KIF16B: variants seen among roughly 807,000 people sequenced by gnomAD.
KIF16B encodes the protein kinesin-like protein KIF16B.
Under a neutral mutation model 156.3 loss-of-function variants are expected in KIF16B, and 98 were observed. That is an observed-to-expected ratio of 0.63 (90% CI 0.53 to 0.74). The LOEUF (loss-of-function observed/expected upper bound fraction) is 0.74. Ranked by LOEUF, KIF16B falls within the 30% of genes least tolerant of loss-of-function variation. KIF16B has a pLI of 0.00. For missense variants in KIF16B, 1,421 were observed against 1,606.5 expected (o/e 0.88, Z 1.97); for synonymous variants, 564 against 583.7 (o/e 0.97, Z 0.49).
chr20:16,273,409 T>C lies in KIF16B; in HGVS notation c.3798A>G (p.Lys1266=). 6.2e-7 allele frequency: 1 copy of C among 1,613,998 alleles called. No individual in the cohort carries two copies. The change falls in exon 26 of 26, where the codon AAA becomes AAG. Residue 1266 remains lysine (K), a splice_region_variant and synonymous_variant. Transcript: ENST00000354981. ...TCACGCTGAAAAAGTCCCTGAGGTA[T>C]TTCTGTGGAAGAGACAAGAGTTAAG... ...VIAERRSHLE[K]YLRDFFSVML... is the part of the protein sequence containing the mutation.
intron 25 of KIF16B, among the ~76,000 whole-genome samples, chr20:16,302,861 A>T (rs1423902775): frequency 6.6e-6 from 1 of 152,210 alleles, no homozygotes; most frequent in East Asian, 1.9e-4. Flanking sequence ...TGTATTCTAC[A>T]AGCTTGCTAC....
intron 24 of KIF16B, among the ~76,000 whole-genome samples, chr20:16,323,191 T>G (rs2063795844): frequency 6.6e-6 from 1 of 152,018 alleles, no homozygotes; most frequent in African/African-American, 2.4e-5. Flanking sequence ...CTGTGATATT[T>G]GGCTATCTAA....
intron 25 of KIF16B, among the ~76,000 whole-genome samples, chr20:16,297,840 C>G (rs1395808209): frequency 6.6e-6 from 1 of 152,016 alleles, no homozygotes; most frequent in Admixed American, 6.5e-5. Flanking sequence ...ACCAGTTTTT[C>G]TCATCCCAGC....
intron 1 of KIF16B, among the ~76,000 whole-genome samples, chr20:16,559,217 GCCCCA>G (rs1042333642): frequency 2.0e-5 from 3 of 151,786 alleles, no homozygotes; most frequent in Admixed American, 2.0e-4. Context: ...GAATCAAAAT[GCCCCA>G]CGTCTCATTT....
intron 1 of KIF16B, among the ~76,000 whole-genome samples, chr20:16,532,398 G>C (rs1485603985): frequency 6.6e-6 from 1 of 152,164 alleles, no homozygotes; most frequent in Non-Finnish European, 1.5e-5. Context: ...CAGATTCCCA[G>C]GGCCAAGTTT....
At chr20:16,412,944 C>G (rs6105594) in intron 15 of KIF16B, among the ~76,000 whole-genome samples, 1 of 151,442 alleles carries the variant, frequency 6.6e-6, no homozygotes, top group Non-Finnish European at 1.5e-5. Context: ...TTGATGAAAC[C>G]TGAAGAGTGT....
intron 22 of KIF16B, among the ~76,000 whole-genome samples, chr20:16,369,946 G>A (rs2064775684): frequency 6.6e-6 from 1 of 152,342 alleles, no homozygotes; most frequent in South Asian, 2.1e-4. Context: ...ATGACTGGCA[G>A]GAGGGTGTGG....
chr20:16,408,110 C>T (rs1045268752), intron 15 of KIF16B, among the ~76,000 whole-genome samples: 3 of 152,112 alleles, frequency 2.0e-5, no homozygotes, highest in Admixed American at 6.6e-5. Flanking sequence ...AGCATATCCA[C>T]CTGCCTATTT....
chr20:16,415,399 C>G (rs899393836), intron 15 of KIF16B, among the ~76,000 whole-genome samples: 4 of 152,068 alleles, frequency 2.6e-5, no homozygotes, highest in African/African-American at 9.7e-5. Context: ...TGCACAATGC[C>G]TCCCTTCCTT....
intron 4 of KIF16B, among the ~76,000 whole-genome samples, chr20:16,514,757 G>A (rs1051667783): frequency 6.6e-5 from 10 of 151,250 alleles, no homozygotes; most frequent in Non-Finnish European, 1.2e-4. Context: ...AGGGCGTGGT[G>A]GTGCACACCT....
At chr20:16,342,980 C>G (rs753482535) in intron 23 of KIF16B, among the ~76,000 whole-genome samples, 2 of 152,118 alleles carry the variant, frequency 1.3e-5, no homozygotes, top group East Asian at 3.8e-4. Flanking sequence ...AAAATTAAAG[C>G]CCTTTTCTGT....
chr20:16,375,188 T>C (rs931286257), intron 19 of KIF16B, among the ~76,000 whole-genome samples: 2 of 152,230 alleles, frequency 1.3e-5, no homozygotes, highest in African/African-American at 4.8e-5. Context: ...AGGGCCAACC[T>C]TGCCAGTGAA....
At chr20:16,392,064 T>C (rs912713450) in intron 17 of KIF16B, among the ~76,000 whole-genome samples, 4 of 152,178 alleles carry the variant, frequency 2.6e-5, no homozygotes, top group African/African-American at 9.7e-5. Context: ...CATGCTCTCA[T>C]GTTTACAATA....
chr20:16,380,251 C>G (rs748882281), intron 18 of KIF16B, 88 bp from the exon 19 acceptor site: 1 of 1,205,318 alleles, frequency 8.3e-7, no homozygotes, highest in African/African-American at 1.6e-5. Flanking sequence ...AATGCACATA[C>G]AACCAGGTCA....
rs1436979137 is a variant in KIF16B at position 16,540,226 on chromosome 20, A to G, written c.48-11786T>C. On this transcript the variant is annotated intron_variant, in intron 1 of 25. Coordinates refer to ENST00000354981, the MANE Select transcript of KIF16B (RefSeq NM_024704.5). ...AGCCAAAATAATATGCGCGTCTATG[A>G]TTCTAGATGCACAAAACATTTCTGA... Among the ~76,000 whole-genome samples, 3 of 152,208 alleles carry G rather than the reference A, an allele frequency of 2.0e-5. No homozygotes were observed. In the East Asian group the frequency reaches 5.8e-4, roughly 29 times the overall value.
chr20:16,506,636 A>C (rs1413896527), intron 7 of KIF16B, among the ~76,000 whole-genome samples: 1 of 152,232 alleles, frequency 6.6e-6, no homozygotes, highest in Non-Finnish European at 1.5e-5. Context: ...CTTGTTGCAC[A>C]AATTATTTCT....
intron 22 of KIF16B, chr20:16,367,631 GAAGA>G (rs766918094): frequency 5.6e-6 from 9 of 1,612,588 alleles, no homozygotes; most frequent in African/African-American, 1.3e-5. Context: ...ATATTTCCAT[GAAGA>G]AAGTAAATCA....
intron 12 of KIF16B, among the ~76,000 whole-genome samples, chr20:16,433,642 C>CAT (rs2066566059): frequency 6.6e-6 from 1 of 151,620 alleles, no homozygotes; most frequent in Non-Finnish European, 1.5e-5. Context: ...CATACACTTC[C>CAT]ATATATATAA....
chr20:16,368,925 C>G, intron 22 of KIF16B: 2 of 985,858 alleles, frequency 2.0e-6, no homozygotes, highest in Non-Finnish European at 2.4e-6. Flanking sequence ...CTGACTGACT[C>G]TGAAAATCTT....
Sources: allele counts gnomAD v4.1 joint callset (sites outside exome capture counted in the v4.1 genomes callset), GRCh38; gene constraint gnomAD v4.1.1; transcripts MANE v1.5; gene names NCBI Gene and HGNC (gene_info 2026-07-23, HGNC 2026-07-21).